CSNK1E: variants seen among roughly 807,000 people sequenced by gnomAD.
CSNK1E encodes casein kinase I isoform epsilon.
CSNK1E carries 17 observed loss-of-function variants against 46.1 expected under a neutral mutation model. The observed-to-expected ratio is 0.37, with a 90% confidence interval of 0.25 to 0.55. CSNK1E has a LOEUF of 0.55. CSNK1E is among the 20% of genes least tolerant of loss of function. CSNK1E has a pLI of 0.82. For synonymous variants in CSNK1E, 241 were observed against 242.6 expected (o/e 0.99, Z 0.06); for missense variants, 386 against 595.4 (o/e 0.65, Z 3.66).
intron 2 of CSNK1E, among the ~76,000 whole-genome samples, chr22:38,308,558 G>A (rs754732985): frequency 3.9e-5 from 6 of 152,136 alleles, no homozygotes; most frequent in Non-Finnish European, 7.3e-5. Context: ...TGTGTAAACC[G>A]ATGACACTAT....
rs573293393 is a variant in CSNK1E at position 38,298,888 on chromosome 22, G to A, written c.783C>T (p.Asp261=). The A allele has an allele frequency of 8.1e-6, 13 of 1,614,152 alleles. No homozygotes were observed. Among genetic ancestry groups the A allele is most frequent in the African/African-American group, 1.3e-5 (1 of 75,042 alleles). ...YLNFCRSLRF[D]DKPDYSYLRQ... ...GTAGGTAAGAGTAGTCGGGCTTGTC[G>A]TCAAACCGCAGGGAGCGGCAGAAGT... The change falls in exon 7 of 11, where the codon GAC becomes GAT. Residue 261 remains aspartate (D), a synonymous_variant. Coordinates refer to ENST00000396832, the MANE Select transcript of CSNK1E (RefSeq NM_152221.3). The surrounding 1 kb of genome is among the most constrained non-coding windows in gnomAD (Gnocchi z 4.2).
At chr22:38,313,098 G>A (rs1013474745) in intron 2 of CSNK1E, among the ~76,000 whole-genome samples, 1 of 152,196 alleles carries the variant, frequency 6.6e-6, no homozygotes, top group Non-Finnish European at 1.5e-5. Context: ...GGCTTCCTTA[G>A]CACATTTCAT....
In CSNK1E at chr22:38,317,348, C is replaced by T; in HGVS notation, c.-201G>A. On this transcript the variant is annotated 5_prime_UTR_variant, in exon 1 of 11. Coordinates refer to ENST00000396832, the MANE Select transcript of CSNK1E (RefSeq NM_152221.3). ...CGGCCGGGCTCTGGCTCTGGGCTCT[C>T]GCCGCCGCCGCCGCCGCCGCCGCCG... is the stretch of plus-strand genomic sequence containing the variant. The T allele has an allele frequency of 2.1e-5, 1 of 47,950 alleles. No homozygotes were observed. The highest frequency in any genetic ancestry group is 4.3e-5 in the Non-Finnish European group (1 of 23,460). The allele number at this position is 47,950 out of a possible 1,614,324, so 3.0% of individuals were successfully genotyped here.
chr22:38,296,449 C>G (rs898473897), intron 7 of CSNK1E: 5 of 1,489,992 alleles, frequency 3.4e-6, no homozygotes, highest in African/African-American at 1.4e-5. Flanking sequence ...TGTTGGGTAG[C>G]ATGGGAAGGG....
At chr22:38,297,548 C>T (rs953654064) in intron 7 of CSNK1E, 2 of 1,013,984 alleles carry the variant, frequency 2.0e-6, no homozygotes, top group African/African-American at 3.5e-5. Flanking sequence ...AGCCTTGGTC[C>T]TAACCATCTA....
Position 38,294,819 on chromosome 22 carries a change from C to T in CSNK1E, c.886-285G>A, listed in dbSNP as rs140608043. On this transcript the variant is annotated intron_variant, in intron 7 of 10. Coordinates refer to ENST00000396832, the MANE Select transcript of CSNK1E (RefSeq NM_152221.3). The surrounding 1 kb of genome is among the most constrained non-coding windows in gnomAD (Gnocchi z 5.5). Reference sequence around the variant, plus strand: ...GGAGCCAGAGAAAGGACAACTAATGCGCCCAGGATGATCAAGAGCACCTCT... The same window carrying T: ...GGAGCCAGAGAAAGGACAACTAATGTGCCCAGGATGATCAAGAGCACCTCT... Among the ~76,000 whole-genome samples, 1,867 of 152,278 alleles carry T rather than the reference C, an allele frequency of 0.012. 18 individuals carry two copies. The highest frequency in any genetic ancestry group is 0.031 in the Middle Eastern group (9 of 294).
chr22:38,293,140 C>A (rs2092620288), intron 10 of CSNK1E, 115 bp downstream of exon 10: 1 of 847,024 alleles, frequency 1.2e-6, no homozygotes, highest in African/African-American at 1.7e-5. Context: ...GCGCCTGGTA[C>A]CATCTGCCAC....
chr22:38,310,231 C>G (rs941424031), intron 2 of CSNK1E, among the ~76,000 whole-genome samples: 1 of 152,198 alleles, frequency 6.6e-6, no homozygotes. Context: ...ATTTCAGGAA[C>G]AGAAGATGCC....
intron 1 of CSNK1E, chr22:38,316,716 C>G (rs891990171): frequency 1.3e-5 from 2 of 152,276 alleles, no homozygotes; most frequent in Non-Finnish European, 2.9e-5. Context: ...GCCTTGCGAA[C>G]CCCCAGGTCC....
chr22:38,298,227 A>G lies in CSNK1E; in HGVS notation c.885+559T>C, dbSNP rs747426067. 3.1e-6 allele frequency: 4 copies of G among 1,299,632 alleles called. No individual in the cohort carries two copies. The highest frequency in any genetic ancestry group is 4.1e-6 in the Non-Finnish European group (4 of 985,878). The allele number at this position is 1,299,632 out of a possible 1,614,324, so 80.5% of individuals were successfully genotyped here. ...CCCTTTTCCAGAAGAGATGTGAAAC[A>G]AGACATACAATTTCACAGATTCCAG... On this transcript the variant is annotated intron_variant, in intron 7 of 10. Coordinates refer to ENST00000396832, the MANE Select transcript of CSNK1E (RefSeq NM_152221.3). The surrounding 1 kb of genome is among the most constrained non-coding windows in gnomAD (Gnocchi z 4.2).
At position 38,294,077 on chromosome 22, in the gene CSNK1E, G is replaced by A. The variant is rs1283290635; in HGVS notation, c.1218+32C>T. ...TGGGGGGTCTCTAACTCAGTTCTGAGGCCCAGAGGGACTGGCAGGGGGGCA... is the reference window on the plus strand; with the variant it reads ...TGGGGGGTCTCTAACTCAGTTCTGAAGCCCAGAGGGACTGGCAGGGGGGCA... On this transcript the variant is annotated intron_variant, in intron 9 of 10. Coordinates refer to ENST00000396832, the MANE Select transcript of CSNK1E (RefSeq NM_152221.3). The surrounding 1 kb of genome is among the most constrained non-coding windows in gnomAD (Gnocchi z 5.5). The A allele has an allele frequency of 6.2e-7, 1 of 1,601,154 alleles. No homozygotes were observed.
At chr22:38,307,408 G>A (rs2092703135) in intron 2 of CSNK1E, among the ~76,000 whole-genome samples, 1 of 151,838 alleles carries the variant, frequency 6.6e-6, no homozygotes, top group Admixed American at 6.6e-5. Flanking sequence ...AATTAGCCAA[G>A]GTGCTCCCGT....
At chr22:38,299,672 G>C (rs1472303607) in intron 6 of CSNK1E, among the ~76,000 whole-genome samples, 2 of 152,216 alleles carry the variant, frequency 1.3e-5, no homozygotes, top group East Asian at 3.9e-4. Flanking sequence ...TACAGGTGGG[G>C]CTAATTTTTG....
intron 7 of CSNK1E, chr22:38,296,353 T>C: frequency 1.5e-6 from 2 of 1,373,388 alleles, no homozygotes; most frequent in Non-Finnish European, 1.9e-6. Context: ...ACAGTGGCTG[T>C]ATGTGCTGAG....
chr22:38,317,045 G>A (rs546534530), intron 1 of CSNK1E, 115 bp downstream of exon 1: 1 of 151,594 alleles, frequency 6.6e-6, no homozygotes, highest in South Asian at 2.1e-4. Flanking sequence ...CAGCGCGAAC[G>A]CGCGTGTGTC....
At chr22:38,293,393 C>T (rs961231508) in intron 9 of CSNK1E, 74 bp from the exon 10 acceptor site, 62 of 940,570 alleles carry the variant, frequency 6.6e-5, no homozygotes, top group Non-Finnish European at 8.7e-5. Flanking sequence ...GTCCCTTAGC[C>T]GCTGGCGATA....
chr22:38,296,030 A>G (rs2092638801), intron 7 of CSNK1E, among the ~76,000 whole-genome samples: 1 of 152,216 alleles, frequency 6.6e-6, no homozygotes, highest in Non-Finnish European at 1.5e-5. Flanking sequence ...TGGGATACAG[A>G]GGCTGAGTGA....
Position 38,298,192 on chromosome 22 carries a change from CG to C in CSNK1E, c.885+593del. ...GGCTGTCACGGGGCTGAGCCTGGCT[CG>C]AGGAAGCCCCCTTTTCCAGAAGAGA... On this transcript the variant is annotated intron_variant, in intron 7 of 10. Coordinates refer to ENST00000396832, the MANE Select transcript of CSNK1E (RefSeq NM_152221.3). The surrounding 1 kb of genome is among the most constrained non-coding windows in gnomAD (Gnocchi z 4.2). The C allele has an allele frequency of 7.7e-7, 1 of 1,303,880 alleles. No individual in the cohort carries two copies. The highest frequency in any genetic ancestry group is 1.2e-5 in the South Asian group (1 of 80,994). 80.8% of individuals were successfully genotyped at this position (1,303,880 alleles called of 1,614,324 possible). A position where few individuals can be genotyped will look rare whatever the true frequency, so the allele number is the denominator to read the frequency against.
chr22:38,293,075 C>T, intron 10 of CSNK1E, 180 bp downstream of exon 10: 1 of 613,638 alleles, frequency 1.6e-6, no homozygotes, highest in Non-Finnish European at 2.9e-6. Context: ...CCCTTGGCCC[C>T]AAGTCAGGCA....
Sources: allele counts gnomAD v4.1 joint callset (sites outside exome capture counted in the v4.1 genomes callset), GRCh38; gene constraint gnomAD v4.1.1; non-coding constraint Gnocchi (gnomAD v3.1); transcripts MANE v1.5; gene names NCBI Gene and HGNC (gene_info 2026-07-23, HGNC 2026-07-21).